The following ARHGAP32 variants were observed in gnomAD, a reference collection of about 807,000 sequenced individuals.
The protein encoded by ARHGAP32 is rho GTPase-activating protein 32.
Under a neutral mutation model 186.5 loss-of-function variants are expected in ARHGAP32, and 51 were observed. The observed-to-expected ratio is 0.27, with a 90% confidence interval of 0.22 to 0.35. ARHGAP32 has a LOEUF of 0.35. Ranked by LOEUF, ARHGAP32 falls within the 10% of genes least tolerant of loss-of-function variation. The pLI, the probability that ARHGAP32 is intolerant of heterozygous loss-of-function variation, is 1.00. For missense variants in ARHGAP32, 2,186 were observed against 2,623.5 expected (o/e 0.83, Z 3.64); for synonymous variants, 950 against 964.3 (o/e 0.99, Z 0.27).
intron 5 of ARHGAP32, among the ~76,000 whole-genome samples, chr11:129,107,969 T>C (rs559431402): frequency 4.0e-5 from 6 of 151,858 alleles, no homozygotes; most frequent in Non-Finnish European, 8.8e-5. Context: ...ATGTTCTATG[T>C]AATCACTGTG....
intron 2 of ARHGAP32, among the ~76,000 whole-genome samples, chr11:129,158,041 C>T (rs1943450200): frequency 6.6e-6 from 1 of 152,056 alleles, no homozygotes; most frequent in African/African-American, 2.4e-5. Flanking sequence ...ATTTTGTCAC[C>T]ACCAGGCCTG....
At chr11:129,252,522 A>G (rs561600681) in intron 1 of ARHGAP32, among the ~76,000 whole-genome samples, 8 of 152,234 alleles carry the variant, frequency 5.3e-5, no homozygotes, top group Non-Finnish European at 7.3e-5. Context: ...ACAAAAGAGT[A>G]AAACAGTCCA....
At chr11:129,137,866 A>G (rs1324220025) in intron 2 of ARHGAP32, among the ~76,000 whole-genome samples, 1 of 152,068 alleles carries the variant, frequency 6.6e-6, no homozygotes, top group Non-Finnish European at 1.5e-5. Context: ...TGAGAATTCA[A>G]TACTAATACA....
chr11:128,969,867 A>G lies in ARHGAP32; in HGVS notation c.5346T>C (p.Pro1782=). Residue 1782 remains proline (P), a synonymous_variant, in exon 23 of 23, where the codon CCT becomes CCC. Transcript: ENST00000682385. This position sits in a 1 kb window ranked among gnomAD's most constrained non-coding sequence, Gnocchi z 4.8. ...TCATGTTATCATATTGGGACATGAC[A>G]GGCCCTTTCACCTTCTGCCGAGCAC... ...ESRARQKVKG[P]VMSQYDNMTP... is the part of the protein sequence containing the mutation. 6.2e-7 allele frequency: 1 copy of G among 1,614,202 alleles called. No individual in the cohort carries two copies. The highest frequency in any genetic ancestry group is 8.5e-7 in the Non-Finnish European group (1 of 1,180,028).
At chr11:129,075,238 C>T (rs1940999744) in intron 6 of ARHGAP32, among the ~76,000 whole-genome samples, 1 of 151,762 alleles carries the variant, frequency 6.6e-6, no homozygotes, top group Non-Finnish European at 1.5e-5. Context: ...AATACAGGAC[C>T]CAACTGTCTA....
chr11:129,211,218 T>C (rs1376546796), intron 1 of ARHGAP32, among the ~76,000 whole-genome samples: 1 of 152,216 alleles, frequency 6.6e-6, no homozygotes, highest in Non-Finnish European at 1.5e-5. Flanking sequence ...ACTAGACTGC[T>C]ATTGCTTTTA....
chr11:129,234,919 C>CAG (rs935500116), intron 1 of ARHGAP32, among the ~76,000 whole-genome samples: 1 of 152,166 alleles, frequency 6.6e-6, no homozygotes, highest in African/African-American at 2.4e-5. Flanking sequence ...TAGGACTTCA[C>CAG]TGGTTTTGAC....
chr11:129,178,172 T>C (rs1026062196), intron 1 of ARHGAP32, among the ~76,000 whole-genome samples: 3 of 151,902 alleles, frequency 2.0e-5, no homozygotes, highest in Admixed American at 6.6e-5. Flanking sequence ...AGCCAAATCA[T>C]GAGTGAACTC....
intron 1 of ARHGAP32, among the ~76,000 whole-genome samples, chr11:129,171,885 C>T (rs751973018): frequency 3.3e-5 from 5 of 152,130 alleles, no homozygotes; most frequent in African/African-American, 1.2e-4. Context: ...AGGCCCTTCA[C>T]ATCCCCTGTT....
Position 128,973,157 on chromosome 11 carries a change from G to A in ARHGAP32, c.3349C>T (p.Pro1117Ser). 1 of 1,614,162 alleles carries A rather than the reference G, an allele frequency of 6.2e-7. No individual in the cohort carries two copies. The highest frequency in any genetic ancestry group is 8.5e-7 in the Non-Finnish European group (1 of 1,180,034). Residue 1117 changes from proline (P) to serine (S), a missense_variant, in exon 22 of 23, where the codon CCA becomes TCA. By Grantham distance (74) the Pro-to-Ser change is moderately conservative. Transcript: ENST00000682385. ...LDKAYFQTDR[P>S]AEQFHLQNNA... ...TTCTGGAGGTGGAACTGCTCTGCTGGTCGATCGGTTTGGAAATAGGCCTTA... is the reference window on the plus strand; with the variant it reads ...TTCTGGAGGTGGAACTGCTCTGCTGATCGATCGGTTTGGAAATAGGCCTTA...
chr11:129,150,656 C>T (rs1943268472), intron 2 of ARHGAP32, among the ~76,000 whole-genome samples: 1 of 151,854 alleles, frequency 6.6e-6, no homozygotes, highest in South Asian at 2.1e-4. Context: ...CTTTTTCAGA[C>T]AAAAAAATCC....
chr11:129,080,082 C>A (rs1316049122), intron 6 of ARHGAP32, among the ~76,000 whole-genome samples: 3 of 152,122 alleles, frequency 2.0e-5, no homozygotes, highest in African/African-American at 7.2e-5. Flanking sequence ...GCACCTAACA[C>A]TGGAGCTCTC....
In ARHGAP32 at chr11:129,093,694, T is replaced by G. The variant is rs1156785337; in HGVS notation, c.458A>C (p.Glu153Ala). ...ATTTTTCATTACTTCATTCTGTTCT[T>G]CTGAAAGTGAAAGCTACATCACAGA... ...EFGSIQLSLS[E>A]EQNEVMKNGC... Residue 153 changes from glutamate (E) to alanine (A), a missense_variant, in exon 6 of 23, where the codon GAA becomes GCA. Coordinates refer to ENST00000682385, the MANE Select transcript of ARHGAP32 (RefSeq NM_001378024.1). 5.0e-6 allele frequency: 8 copies of G among 1,594,756 alleles called. No homozygotes were observed. Among genetic ancestry groups the G allele is most frequent in the Non-Finnish European group, 6.8e-6 (8 of 1,169,484 alleles).
At chr11:129,131,231 A>C (rs1015045171) in intron 2 of ARHGAP32, among the ~76,000 whole-genome samples, 6 of 152,188 alleles carry the variant, frequency 3.9e-5, no homozygotes, top group African/African-American at 1.4e-4. Flanking sequence ...GTTTCACAGA[A>C]GTATACAAGA....
At chr11:129,252,057 AAT>A (rs140593073) in intron 1 of ARHGAP32, among the ~76,000 whole-genome samples, 6,927 of 152,236 alleles carry the variant, frequency 0.046, 191 homozygotes, top group Middle Eastern at 0.068. Context: ...CAATAATTCA[AAT>A]ATAATTTAAA....
In ARHGAP32 at chr11:128,972,727, T is replaced by C. The variant is rs371060410; in HGVS notation, c.3779A>G (p.Tyr1260Cys). ...CTCTTCGGGGGACCCAGAAGGAGGG[T>C]AGATTTTATCGCTAGGTAAATTAGG... Reference protein sequence around the residue: ...TPPNLPSDKIYPPSGSPEENT... With the variant: ...TPPNLPSDKICPPSGSPEENT... Residue 1260 changes from tyrosine to cysteine, a missense_variant, in exon 22 of 23, where the codon TAC becomes TGC. Physicochemically the swap from Tyr to Cys is radical, Grantham distance 194 (BLOSUM62 -2). Around this residue, in one of 5 missense-constraint regions of ARHGAP32, gnomAD observed 1,502 missense variants for 1,570.0 expected, o/e 0.96. Transcript: ENST00000682385. 57 of 1,613,660 alleles carry C rather than the reference T, an allele frequency of 3.5e-5. No homozygotes were observed. Among genetic ancestry groups the C allele is most frequent in the South Asian group, 8.8e-5 (8 of 91,060 alleles).
rs541431802 is a variant in ARHGAP32 at position 129,269,844 on chromosome 11, AAT to A, written c.-5+9300_-5+9301del. On this transcript the variant is annotated intron_variant, in intron 1 of 6. Coordinates refer to the ARHGAP32 transcript ENST00000525234. ...ACCACACACCCATAAGTATGGCCAA[AAT>A]TTAAAACACTGACAACACCAAATGT... 5.1e-4 allele frequency among the ~76,000 whole-genome samples: 78 copies of A among 152,332 alleles called. 1 individual carries two copies. Among genetic ancestry groups the A allele is most frequent in the African/African-American group, 1.7e-3 (71 of 41,570 alleles).
intron 1 of ARHGAP32, among the ~76,000 whole-genome samples, chr11:129,205,538 T>C (rs556237951): frequency 1.3e-5 from 2 of 152,260 alleles, no homozygotes; most frequent in Admixed American, 6.5e-5. Context: ...TTATTACCTA[T>C]GTGAACTTGC....
chr11:129,102,671 A>G (rs1173103717), intron 5 of ARHGAP32, among the ~76,000 whole-genome samples: 2 of 152,206 alleles, frequency 1.3e-5, no homozygotes, highest in Admixed American at 1.3e-4. Context: ...ATACCACTTC[A>G]CATACATAAG....
Sources: gnomAD v4.1 joint callset for allele counts (sites outside exome capture counted in the v4.1 genomes callset) on GRCh38, gnomAD v4.1.1 for gene constraint, gnomAD v4.1.1 regional missense constraint, Gnocchi (gnomAD v3.1) non-coding constraint, MANE v1.5 for transcripts, NCBI Gene and HGNC (gene_info 2026-07-23, HGNC 2026-07-21) for gene names.